Variants in MYH13 observed in about 807,000 individuals in gnomAD.
The protein encoded by MYH13 is myosin heavy chain 13.
Under a neutral mutation model 232.1 loss-of-function variants are expected in MYH13, and 177 were observed. That is an observed-to-expected ratio of 0.76 (90% CI 0.67 to 0.86). The LOEUF (loss-of-function observed/expected upper bound fraction) is 0.86. Ranked by LOEUF, MYH13 falls within the 40% of genes least tolerant of loss-of-function variation. The pLI is 0.00. For synonymous variants in MYH13, 884 were observed against 923.5 expected (o/e 0.96, Z 0.78); for missense variants, 2,246 against 2,405.9 (o/e 0.93, Z 1.39).
intron 11 of MYH13, among the ~76,000 whole-genome samples, chr17:10,353,065 T>C (rs1342958331): frequency 7.1e-6 from 1 of 141,410 alleles, no homozygotes; most frequent in East Asian, 2.5e-4. Context: ...TGGGCCATTG[T>C]GCATATAACA....
intron 16 of MYH13, among the ~76,000 whole-genome samples, chr17:10,340,750 T>A (rs987927183): frequency 1.3e-5 from 2 of 151,894 alleles, no homozygotes; most frequent in Non-Finnish European, 2.9e-5. Context: ...AACTCCTGAC[T>A]TTGGCCTCCC....
Position 10,301,590 on chromosome 17 carries a change from C to G in MYH13, c.5781G>C (p.Lys1927Asn). Residue 1927 changes from lysine to asparagine, a missense_variant, in exon 40 of 41, where the codon AAG (lysine) becomes AAC (asparagine). By Grantham distance (94) the Lys-to-Asn change is moderately conservative (BLOSUM62 0). Coordinates refer to ENST00000252172, the MANE Select transcript of MYH13 (RefSeq NM_003802.3). ...TTACCTGGCTGCCCACGTCTCGGCT[C>G]TTGGCCCTCAGCTTGTTGACCTGGG... is the stretch of plus-strand genomic sequence containing the variant. ...AESQVNKLRA[K>N]SRDVGSQKME... 1 of 1,614,224 alleles carries G rather than the reference C, an allele frequency of 6.2e-7. No individual in the cohort carries two copies. Among genetic ancestry groups the G allele is most frequent in the Non-Finnish European group, 8.5e-7 (1 of 1,180,046 alleles).
intron 15 of MYH13, among the ~76,000 whole-genome samples, chr17:10,344,539 C>CG (rs1244412298): frequency 6.6e-6 from 1 of 151,842 alleles, no homozygotes; most frequent in African/African-American, 2.4e-5. Flanking sequence ...TAATGTCGGC[C>CG]GGGCGTGGTG....
intron 33 of MYH13, 56 bp downstream of exon 33, chr17:10,311,047 C>A: frequency 1.2e-6 from 2 of 1,604,674 alleles, no homozygotes; most frequent in Non-Finnish European, 8.5e-7. Context: ...TGAAGGGCAG[C>A]CTCTTTCAGT....
intron 23 of MYH13, among the ~76,000 whole-genome samples, chr17:10,322,119 G>A (rs559041372): frequency 6.6e-5 from 10 of 152,284 alleles, no homozygotes; most frequent in African/African-American, 1.7e-4. Flanking sequence ...CACGCCGGGC[G>A]CGGTGGCTCA....
intron 12 of MYH13, among the ~76,000 whole-genome samples, chr17:10,349,604 G>C (rs1425884117): frequency 6.6e-6 from 1 of 151,976 alleles, no homozygotes; most frequent in African/African-American, 2.4e-5. Context: ...TGTGCCCCCT[G>C]GTGTACATGC....
rs1028302837 is a variant in MYH13, at chr17:10,304,215, A to G, written c.5467-717T>C. On this transcript the variant is annotated intron_variant, in intron 37 of 40. Transcript: ENST00000252172. The surrounding 1 kb of genome is among the most constrained non-coding windows in gnomAD (Gnocchi z 5.3). ...AAACCAACATAGCACGTTTATACCTATGTAATAAACCTGCACGTTCTGCAC... is the reference window on the plus strand; with the variant it reads ...AAACCAACATAGCACGTTTATACCTGTGTAATAAACCTGCACGTTCTGCAC... 1.3e-5 allele frequency among the ~76,000 whole-genome samples: 2 copies of G among 152,218 alleles called. No individual in the cohort carries two copies. Among genetic ancestry groups the G allele is most frequent in the Admixed American group, 6.5e-5 (1 of 15,284 alleles).
intron 2 of MYH13, among the ~76,000 whole-genome samples, chr17:10,365,706 T>C (rs1035501440): frequency 6.6e-6 from 1 of 152,152 alleles, no homozygotes; most frequent in African/African-American, 2.4e-5. Flanking sequence ...CCCAGGTAAT[T>C]TCTATGCATA....
Position 10,309,815 on chromosome 17 carries a change from C to T in MYH13, c.4672G>A (p.Glu1558Lys), listed in dbSNP as rs866092202. ...LEEVEGSLEH[E>K]ESKILRVQLE... ...TGCACGCGCAAGATCTTGCTCTCCTCGTGTTCCAAGGAACCCTGACGAAAG... is the reference window on the plus strand; with the variant it reads ...TGCACGCGCAAGATCTTGCTCTCCTTGTGTTCCAAGGAACCCTGACGAAAG... Residue 1558 changes from glutamate to lysine, a missense_variant, in exon 34 of 41, where the codon GAG becomes AAG. Physicochemically the swap from Glu to Lys is moderately conservative, Grantham distance 56. Coordinates refer to ENST00000252172, the MANE Select transcript of MYH13 (RefSeq NM_003802.3). 10 of 1,581,450 alleles carry T rather than the reference C, an allele frequency of 6.3e-6. No individual in the cohort carries two copies. The highest frequency in any genetic ancestry group is 2.3e-5 in the East Asian group (1 of 43,508).
In MYH13 at chr17:10,312,050, C is replaced by T; in HGVS notation, c.4392G>A (p.Leu1464=). 1 of 1,613,850 alleles carries T rather than the reference C, an allele frequency of 6.2e-7. No homozygotes were observed. Among genetic ancestry groups the T allele is most frequent in the East Asian group, 2.2e-5 (1 of 44,884 alleles). The change falls in exon 32 of 41, where the codon CTG becomes CTA. Residue 1464 remains leucine (L), a synonymous_variant. Coordinates refer to ENST00000252172, the MANE Select transcript of MYH13 (RefSeq NM_003802.3). ...CTTCCAACTCAGCCTGGCTTTCGTC[C>T]AGCTTTTGCTTCCACTCTGCAAGGA... ...DKVLAEWKQK[L]DESQAELEAA...
At chr17:10,345,439 G>C in intron 14 of MYH13, 28 bp downstream of exon 14, 1 of 1,614,224 alleles carries the variant, frequency 6.2e-7, no homozygotes, top group Non-Finnish European at 8.5e-7. Flanking sequence ...CAGCAAAGCA[G>C]ACAAGAAAGT....
intron 33 of MYH13, among the ~76,000 whole-genome samples, chr17:10,310,084 T>G (rs932261822): frequency 6.8e-6 from 1 of 147,120 alleles, no homozygotes; most frequent in Non-Finnish European, 1.5e-5. Flanking sequence ...AGAGCCCAAA[T>G]AGGTTTTGTG....
chr17:10,310,568 GA>G (rs1191177713), intron 33 of MYH13, among the ~76,000 whole-genome samples: 1 of 152,116 alleles, frequency 6.6e-6, no homozygotes, highest in African/African-American at 2.4e-5. Flanking sequence ...CTTAATTAGT[GA>G]AAATTTTATT....
At chr17:10,331,757 T>G (rs780326780) in intron 20 of MYH13, among the ~76,000 whole-genome samples, 3 of 152,094 alleles carry the variant, frequency 2.0e-5, no homozygotes, top group Non-Finnish European at 4.4e-5. Flanking sequence ...GATTTTATTG[T>G]TTATAGTCAT....
intron 15 of MYH13, among the ~76,000 whole-genome samples, chr17:10,344,662 A>AAAAAAAAAAG (rs1270234233): frequency 1.3e-5 from 2 of 148,606 alleles, no homozygotes; most frequent in Non-Finnish European, 3.0e-5. Flanking sequence ...CAAAAAAAAG[A>AAAAAAAAAAG]AAAAAAAAAT....
chr17:10,313,087 A>G, intron 30 of MYH13, 71 bp downstream of exon 30: 1 of 1,603,526 alleles, frequency 6.2e-7, no homozygotes, highest in Non-Finnish European at 8.5e-7. Context: ...ATCTCTCAAG[A>G]TATGAAGACT....
intron 21 of MYH13, 45 bp from the exon 22 acceptor site, chr17:10,328,166 G>A: frequency 1.9e-6 from 3 of 1,603,186 alleles, no homozygotes; most frequent in Non-Finnish European, 2.6e-6. Context: ...AGCAAGGTCT[G>A]GTCTCTGCAC....
chr17:10,343,664 A>G, intron 16 of MYH13, 136 bp downstream of exon 16: 1 of 1,041,372 alleles, frequency 9.6e-7, no homozygotes, highest in African/African-American at 1.6e-5. Context: ...AGCAGGAGGA[A>G]GAAAAATGGA....
intron 16 of MYH13, 107 bp downstream of exon 16, chr17:10,343,693 T>A: frequency 8.2e-7 from 1 of 1,226,008 alleles, no homozygotes; most frequent in Non-Finnish European, 1.1e-6. Flanking sequence ...AGAAACATCA[T>A]ACTCAGCTGA....
Sources: allele counts gnomAD v4.1 joint callset (sites outside exome capture counted in the v4.1 genomes callset), GRCh38; gene constraint gnomAD v4.1.1; non-coding constraint Gnocchi (gnomAD v3.1); transcripts MANE v1.5; gene names NCBI Gene and HGNC (gene_info 2026-07-23, HGNC 2026-07-21).